Variants in SEC31A observed in about 807,000 individuals in gnomAD.
SEC31A encodes the protein SEC31 homolog A, COPII component.
Under a neutral mutation model 151.0 loss-of-function variants are expected in SEC31A, and 70 were observed. The observed-to-expected ratio is 0.46, with a 90% CI of 0.38 to 0.57. SEC31A has a LOEUF of 0.57. SEC31A is among the 20% of genes least tolerant of loss of function. The probability of loss-of-function intolerance (pLI) is 0.00; values close to 1 mark genes in which losing one functional copy is unlikely to be tolerated. For synonymous variants in SEC31A, 475 were observed against 505.9 expected, an observed-to-expected ratio of 0.94 and a Z score of 0.82; for missense variants, 1,330 against 1,471.2, an observed-to-expected ratio of 0.90 and a Z score of 1.57.
At position 82,875,780 on chromosome 4, in the gene SEC31A, T is replaced by G; in HGVS notation, c.445A>C (p.Ile149Leu). Residue 149 changes from isoleucine to leucine, a missense_variant, in exon 5 of 27, where the codon ATA (isoleucine) becomes CTA (leucine). Transcript: ENST00000395310. ...GTTGCAAAATTATTTAGATCCCATA[T>G]GTAGATTTCAGATTCATTAGCACCA... ...ASGANESEIY[I>L]WDLNNFATPM... 6.2e-7 allele frequency: 1 copy of G among 1,609,006 alleles called. No homozygotes were observed. Among genetic ancestry groups the G allele is most frequent in the Non-Finnish European group, 8.5e-7 (1 of 1,177,372 alleles).
At chr4:82,837,588 T>C (rs781166100) in intron 22 of SEC31A, among the ~76,000 whole-genome samples, 3 of 152,168 alleles carry the variant, frequency 2.0e-5, no homozygotes, top group Non-Finnish European at 4.4e-5. Flanking sequence ...TCTTGCCATG[T>C]TGCCTAGGCT....
intron 22 of SEC31A, among the ~76,000 whole-genome samples, chr4:82,837,556 TG>T (rs1160619208): frequency 4.9e-4 from 74 of 152,262 alleles, no homozygotes; most frequent in African/African-American, 1.7e-3. Context: ...GCTAGTTTTT[TG>T]TATTTTTTAT....
chr4:82,827,561 T>G lies in SEC31A; in HGVS notation c.3099A>C (p.Ser1033=). The change falls in exon 24 of 27, where the codon TCA becomes TCC. Residue 1033 remains serine (S), a synonymous_variant. Transcript: ENST00000395310. ...CTGAAGGCTGTTGCTGCAGCATTTG[T>G]GACTGGGGGTCACCCAACGGGTTCA... ...PIMNPLGDPQ[S]QMLQQQPSAP... 1 of 1,614,196 alleles carries G rather than the reference T, an allele frequency of 6.2e-7. No homozygotes were observed. The highest frequency in any genetic ancestry group is 2.2e-5 in the East Asian group (1 of 44,884).
At chr4:82,894,213 C>A (rs1242435741), upstream of SEC31A, 1 of 152,218 alleles carries the variant, frequency 6.6e-6, no homozygotes, top group East Asian at 1.9e-4. Flanking sequence ...GTTGCCATGA[C>A]CTTTGCTCTC....
chr4:82,868,747 G>C (rs1434361837), intron 8 of SEC31A, among the ~76,000 whole-genome samples: 6 of 151,970 alleles, frequency 3.9e-5, no homozygotes, highest in Non-Finnish European at 2.9e-5. Context: ...CTAGGCTGGA[G>C]TGCAGTGGCG....
At chr4:82,826,739 A>G (rs770949438) in intron 24 of SEC31A, among the ~76,000 whole-genome samples, 1 of 152,270 alleles carries the variant, frequency 6.6e-6, no homozygotes, top group Non-Finnish European at 1.5e-5. Flanking sequence ...AATCAAAGAC[A>G]GAAACAGACA....
At chr4:82,883,988 CTTT>C (rs11373334) in intron 1 of SEC31A, among the ~76,000 whole-genome samples, 1 of 125,964 alleles carries the variant, frequency 7.9e-6, no homozygotes, top group East Asian at 2.3e-4. Flanking sequence ...CTTTTCTATT[CTTT>C]TTTTTTTTTT....
chr4:82,821,012 T>C, intron 26 of SEC31A, 25 bp downstream of exon 26: 1 of 1,585,284 alleles, frequency 6.3e-7, no homozygotes, highest in African/African-American at 1.3e-5. Flanking sequence ...ATGATTATCA[T>C]AAATCCTTTT....
At chr4:82,836,703 A>G (rs566166034) in intron 22 of SEC31A, among the ~76,000 whole-genome samples, 4 of 152,248 alleles carry the variant, frequency 2.6e-5, no homozygotes, top group African/African-American at 9.6e-5. Context: ...TAGTTACCAG[A>G]AGCTGTGGGG....
upstream of SEC31A, chr4:82,891,308 C>A: frequency 3.2e-6 from 3 of 925,550 alleles, no homozygotes; most frequent in Non-Finnish European, 4.8e-6. Flanking sequence ...CCGGGACCGG[C>A]GGTAGCCTGG....
Position 82,891,083 on chromosome 4 carries a change from C to T in SEC31A, c.-5+5G>A, listed in dbSNP as rs1419207238. 4 of 1,535,788 alleles carry T rather than the reference C, an allele frequency of 2.6e-6. No individual in the cohort carries two copies. The South Asian group carries it at 3.6e-5, about 14-fold the overall frequency. On this transcript the variant is annotated splice_donor_5th_base_variant and intron_variant, in intron 1 of 26. Transcript: ENST00000395310. ...AAGAGGACAAAAAGCAACGGGCGGA[C>T]GCACCTGGCGAGGACCTTCGGCAGC...
At position 82,821,078 on chromosome 4, in the gene SEC31A, T is replaced by C; in HGVS notation, c.3442A>G (p.Lys1148Glu). The C allele has an allele frequency of 1.2e-6, 2 of 1,614,082 alleles. No individual in the cohort carries two copies. The highest frequency in any genetic ancestry group is 1.7e-6 in the Non-Finnish European group (2 of 1,179,956). The change falls in exon 26 of 27, where the codon AAA becomes GAA. Residue 1148 changes from lysine (K) to glutamate (E), a missense_variant. Lys to Glu is a moderately conservative substitution (Grantham distance 56). Coordinates refer to ENST00000395310, the MANE Select transcript of SEC31A (RefSeq NM_001077207.4). ...TTATCATACAGAAACTCCAAACGTT[T>C]GCTGGCATCATCTAGCTTCCTCTTG... ...QTKRKLDDAS[K>E]RLEFLYDKLR...
rs765527664 is a variant in SEC31A at position 82,824,613 on chromosome 4, A to T, written c.3353T>A (p.Ile1118Asn). The T allele has an allele frequency of 6.2e-7, 1 of 1,614,120 alleles. No homozygotes were observed. Among genetic ancestry groups the T allele is most frequent in the Non-Finnish European group, 8.5e-7 (1 of 1,179,972 alleles). ...TKKPIPDEHL[I>N]LKTTFEDLIQ... ...AAGATCCTCAAATGTGGTCTTTAGA[A>T]TGAGGTGCTCATCTGGAATAGGTTT... Residue 1118 changes from isoleucine to asparagine, a missense_variant, in exon 25 of 27, where the codon ATT (isoleucine) becomes AAT (asparagine). Ile to Asn is a moderately radical substitution (Grantham distance 149). Transcript: ENST00000395310.
intron 22 of SEC31A, among the ~76,000 whole-genome samples, chr4:82,841,712 C>T (rs1160794989): frequency 6.6e-6 from 1 of 151,560 alleles, no homozygotes; most frequent in Non-Finnish European, 1.5e-5. Flanking sequence ...TGGCTCACAC[C>T]TGTAATCCCA....
chr4:82,867,061 C>T (rs1264180408), intron 9 of SEC31A, 94 bp downstream of exon 9: 6 of 1,542,464 alleles, frequency 3.9e-6, no homozygotes, highest in Non-Finnish European at 5.3e-6. Flanking sequence ...GTCCAATTAA[C>T]CAGCATTGTT....
intron 7 of SEC31A, chr4:82,871,549 G>T: frequency 1.4e-6 from 1 of 709,866 alleles, no homozygotes; most frequent in East Asian, 2.8e-5. Context: ...GCAAAGGTGG[G>T]CAGATCACTT....
intron 1 of SEC31A, among the ~76,000 whole-genome samples, chr4:82,888,362 AAAAAAAAAAAAC>A (rs1741306304): frequency 1.0e-5 from 1 of 97,922 alleles, no homozygotes; most frequent in Non-Finnish European, 2.6e-5. Flanking sequence ...AAAAAAAAAA[AAAAAAAAAAAAC>A]ACACAAAAAA....
intron 16 of SEC31A, among the ~76,000 whole-genome samples, chr4:82,856,667 C>A (rs1347186129): frequency 6.6e-6 from 1 of 152,054 alleles, no homozygotes; most frequent in Non-Finnish European, 1.5e-5. Context: ...AGGAGAATCG[C>A]TTGAACCCAG....
chr4:82,875,675 G>T, intron 5 of SEC31A, 52 bp downstream of exon 5: 1 of 1,001,960 alleles, frequency 1.0e-6, no homozygotes, highest in Non-Finnish European at 1.6e-6. Flanking sequence ...AGGTTTAGGA[G>T]AACTACTTTT....
Sources: gnomAD v4.1 joint callset for allele counts (sites outside exome capture counted in the v4.1 genomes callset) on GRCh38, gnomAD v4.1.1 for gene constraint, MANE v1.5 for transcripts, NCBI Gene and HGNC (gene_info 2026-07-23, HGNC 2026-07-21) for gene names.